FHOD3: variants seen among roughly 807,000 people sequenced by gnomAD.
FHOD3 encodes the protein formin homology 2 domain containing 3.
Under a neutral mutation model 173.0 loss-of-function variants are expected in FHOD3, and 90 were observed. The observed-to-expected ratio is 0.52, with a 90% CI of 0.44 to 0.62. The LOEUF (loss-of-function observed/expected upper bound fraction) is 0.62, where lower values mean the gene tolerates loss of function less well. Ranked by LOEUF, FHOD3 falls within the 20% of genes least tolerant of loss-of-function variation. The pLI, the probability that FHOD3 is intolerant of heterozygous loss-of-function variation, is 0.00. For missense variants in FHOD3, 1,945 were observed against 2,034.7 expected, an observed-to-expected ratio of 0.96 and a Z score of 0.85; for synonymous variants, 828 against 823.0, an observed-to-expected ratio of 1.01 and a Z score of -0.10.
intron 27 of FHOD3, among the ~76,000 whole-genome samples, 186 bp from the exon 28 acceptor site, chr18:36,769,079 T>C (rs563776656): frequency 1.3e-5 from 2 of 152,308 alleles, no homozygotes; most frequent in African/African-American, 2.4e-5. Context: ...TCACGAGTTA[T>C]GGTGGTGCTC....
intron 8 of FHOD3, among the ~76,000 whole-genome samples, chr18:36,611,129 C>T (rs924935556): frequency 6.6e-6 from 1 of 152,180 alleles, no homozygotes; most frequent in Non-Finnish European, 1.5e-5. Context: ...TTCTAAATTT[C>T]ATAGACCACG....
At chr18:36,687,505 A>ATG (rs2038701657) in intron 16 of FHOD3, among the ~76,000 whole-genome samples, 3 of 152,198 alleles carry the variant, frequency 2.0e-5, no homozygotes, top group Non-Finnish European at 1.5e-5. Context: ...CTTTTATGTC[A>ATG]CATGGTCAGC....
intron 5 of FHOD3, among the ~76,000 whole-genome samples, chr18:36,550,002 G>A (rs1387748865): frequency 6.6e-6 from 1 of 151,278 alleles, no homozygotes; most frequent in Non-Finnish European, 1.5e-5. Flanking sequence ...GTTTTATGTC[G>A]TTCATTTTTG....
chr18:36,615,515 AGTC>A (rs2033115550), intron 9 of FHOD3, among the ~76,000 whole-genome samples: 1 of 152,188 alleles, frequency 6.6e-6, no homozygotes, highest in Non-Finnish European at 1.5e-5. Context: ...GGGACATAGT[AGTC>A]TACATATAGT....
intron 28 of FHOD3, among the ~76,000 whole-genome samples, chr18:36,774,425 G>A (rs1483492617): frequency 6.6e-6 from 1 of 152,192 alleles, no homozygotes; most frequent in East Asian, 1.9e-4. Context: ...ACCACAGACT[G>A]TCACTGTCCT....
At chr18:36,416,935 C>T (rs141464261) in intron 3 of FHOD3, among the ~76,000 whole-genome samples, 1 of 150,628 alleles carries the variant, frequency 6.6e-6, no homozygotes, top group African/African-American at 2.4e-5. Flanking sequence ...CTACTTCATT[C>T]CCACCCACCA....
intron 1 of FHOD3, among the ~76,000 whole-genome samples, chr18:36,317,592 TTTTG>T (rs1257453381): frequency 1.3e-5 from 2 of 152,062 alleles, no homozygotes; most frequent in Admixed American, 6.6e-5. Flanking sequence ...TTCTTGTAAA[TTTTG>T]TTTAAGTTCT....
intron 3 of FHOD3, among the ~76,000 whole-genome samples, chr18:36,386,170 T>C (rs1035718701): frequency 6.6e-6 from 1 of 152,236 alleles, no homozygotes; most frequent in African/African-American, 2.4e-5. Flanking sequence ...TCACTATACA[T>C]ATGGCAATAC....
intron 10 of FHOD3, among the ~76,000 whole-genome samples, chr18:36,629,687 T>C (rs1438695125): frequency 6.6e-6 from 1 of 151,950 alleles, no homozygotes; most frequent in East Asian, 1.9e-4. Context: ...TGATGGCTGA[T>C]CATGAGTTCC....
chr18:36,314,055 A>G (rs1266838052), intron 1 of FHOD3, among the ~76,000 whole-genome samples: 1 of 152,168 alleles, frequency 6.6e-6, no homozygotes, highest in African/African-American at 2.4e-5. Flanking sequence ...GCCTGTCAGA[A>G]GAATTTGTCA....
At chr18:36,344,989 T>C (rs1324325903) in intron 1 of FHOD3, among the ~76,000 whole-genome samples, 1 of 152,168 alleles carries the variant, frequency 6.6e-6, no homozygotes, top group Non-Finnish European at 1.5e-5. Flanking sequence ...CTGCACCTAA[T>C]AACTGAAATA....
intron 5 of FHOD3, among the ~76,000 whole-genome samples, chr18:36,572,005 T>C (rs2147900852): frequency 6.6e-6 from 1 of 152,332 alleles, no homozygotes; most frequent in Non-Finnish European, 1.5e-5. Flanking sequence ...CCCTGTTTTC[T>C]GTTTTTGAGA....
At chr18:36,760,819 C>G (rs747886543) in intron 27 of FHOD3, 37 bp downstream of exon 27, 54 of 1,565,688 alleles carry the variant, frequency 3.4e-5, no homozygotes, top group Non-Finnish European at 4.5e-5. Flanking sequence ...CTTGTCTTCT[C>G]AGGTTGGCCG....
chr18:36,426,329 T>C (rs1379494152), intron 3 of FHOD3, among the ~76,000 whole-genome samples: 2 of 152,302 alleles, frequency 1.3e-5, no homozygotes, highest in African/African-American at 4.8e-5. Flanking sequence ...GTGATACAGC[T>C]GGTAATTGGT....
chr18:36,320,407 A>G (rs1285689288), intron 1 of FHOD3, among the ~76,000 whole-genome samples: 1 of 152,226 alleles, frequency 6.6e-6, no homozygotes, highest in Admixed American at 6.5e-5. Flanking sequence ...ATTCCTGGAC[A>G]CATACACCCT....
At chr18:36,770,112 G>T (rs2043312944) in intron 28 of FHOD3, among the ~76,000 whole-genome samples, 1 of 152,206 alleles carries the variant, frequency 6.6e-6, no homozygotes, top group African/African-American at 2.4e-5. Flanking sequence ...TAGGGAAACA[G>T]GTTCCTGTAG....
At position 36,662,598 on chromosome 18, in the gene FHOD3, T is replaced by G. The variant is rs1254782101; in HGVS notation, c.1835+4410T>G. On this transcript the variant is annotated intron_variant, in intron 14 of 28. Coordinates refer to ENST00000590592, the MANE Select transcript of FHOD3 (RefSeq NM_001281740.3). ...TTTCTCATAGTTGTCCCAGCAGAGT[T>G]CTTCCTACTTCCTGTAAGATTATAA... Among the ~76,000 whole-genome samples, 3 of 152,208 alleles carry G rather than the reference T, an allele frequency of 2.0e-5. No homozygotes were observed. The East Asian group carries it at 5.8e-4, about 29-fold the overall frequency.
chr18:36,472,923 T>A (rs2053364592), intron 3 of FHOD3, among the ~76,000 whole-genome samples: 1 of 152,220 alleles, frequency 6.6e-6, no homozygotes, highest in Non-Finnish European at 1.5e-5. Flanking sequence ...CTGCATGTGA[T>A]TGTTGTGAGC....
At chr18:36,316,124 TA>T (rs754327581) in intron 1 of FHOD3, among the ~76,000 whole-genome samples, 1,695 of 139,634 alleles carry the variant, frequency 0.012, 20 homozygotes, top group African/African-American at 0.033. Context: ...TTGCTCTCAT[TA>T]AAAAAAAAAA....
Sources: gnomAD v4.1 joint callset for allele counts (sites outside exome capture counted in the v4.1 genomes callset) on GRCh38, gnomAD v4.1.1 for gene constraint, MANE v1.5 for transcripts, NCBI Gene and HGNC (gene_info 2026-07-23, HGNC 2026-07-21) for gene names.